Variants in CYB561 observed in about 807,000 individuals in gnomAD.
CYB561 encodes cytochrome b561, also known as transmembrane ascorbate-dependent reductase CYB561.
In CYB561, 11 loss-of-function variants were observed where a neutral mutation model predicts 25.3. That is an observed-to-expected ratio of 0.44 (90% CI 0.27 to 0.72). The LOEUF is 0.72. CYB561 is among the 30% of genes least tolerant of loss of function. CYB561 has a pLI of 0.18. For synonymous variants in CYB561, 165 were observed against 158.8 expected (o/e 1.04, Z -0.29); for missense variants, 295 against 334.9 (o/e 0.88, Z 0.93).
intron 1 of CYB561, among the ~76,000 whole-genome samples, chr17:63,444,012 A>T (rs1043893538): frequency 1.3e-5 from 2 of 148,212 alleles, no homozygotes; most frequent in South Asian, 2.1e-4. Context: ...ATTTTTATTA[A>T]TTTTTTTTTT....
chr17:63,446,554 G>A (rs1010864218), upstream of CYB561, among the ~76,000 whole-genome samples: 1 of 152,032 alleles, frequency 6.6e-6, no homozygotes, highest in African/African-American at 2.4e-5. Context: ...TGGGATCTGC[G>A]GCCTGCGGGG....
chr17:63,436,037 C>A lies in CYB561; in HGVS notation c.301+17G>T. 6.2e-7 allele frequency: 1 copy of A among 1,613,906 alleles called. No homozygotes were observed. The highest frequency in any genetic ancestry group is 8.5e-7 in the Non-Finnish European group (1 of 1,179,896). ...GAGGCAGGCAGGTGGCGGGGAAGGC[C>A]GCGCCCGGGAACTCACCAACCAGGG... On this transcript the variant is annotated intron_variant, in intron 3 of 5. Transcript: ENST00000360793. The surrounding 1 kb of genome is among the most constrained non-coding windows in gnomAD (Gnocchi z 4.8).
chr17:63,436,972 GCGCA>G lies in CYB561; in HGVS notation c.202+370_202+373del, dbSNP rs910891313. On this transcript the variant is annotated intron_variant, in intron 2 of 5. Transcript: ENST00000360793. This position sits in a 1 kb window ranked among gnomAD's most constrained non-coding sequence, Gnocchi z 4.8. Reference sequence around the variant, plus strand: ...TCCAAGACCAACAACACACATGCGCGCGCACGCACGCACGCATACAAACTCTCAC... The same window carrying G: ...TCCAAGACCAACAACACACATGCGCGCGCACGCACGCATACAAACTCTCAC... 4.6e-4 allele frequency: 113 copies of G among 246,822 alleles called. 1 individual carries two copies. Among genetic ancestry groups the G allele is most frequent in the African/African-American group, 2.4e-3 (108 of 44,694 alleles). The allele number at this position is 246,822 out of a possible 1,614,324, so 15.3% of individuals were successfully genotyped here. A position where few individuals can be genotyped will look rare whatever the true frequency, so the allele number is the denominator to read the frequency against.
At chr17:63,434,993 G>A (rs991372801) in intron 5 of CYB561, 93 bp downstream of exon 5, 14 of 1,357,840 alleles carry the variant, frequency 1.0e-5, no homozygotes, top group South Asian at 2.9e-5. Flanking sequence ...CACGAGAGGC[G>A]GCTCAGGAAG....
intron 1 of CYB561, among the ~76,000 whole-genome samples, chr17:63,444,442 G>A (rs959381963): frequency 2.6e-5 from 4 of 152,298 alleles, no homozygotes; most frequent in Admixed American, 6.5e-5. Flanking sequence ...GTGTGCCAGC[G>A]CCCAGCACAG....
At chr17:63,441,788 G>A (rs1314861014) in intron 1 of CYB561, among the ~76,000 whole-genome samples, 2 of 152,250 alleles carry the variant, frequency 1.3e-5, no homozygotes, top group Non-Finnish European at 2.9e-5. Context: ...GGAGCTCACT[G>A]AGGAAGCTGC....
At chr17:63,438,100 T>G in intron 1 of CYB561, 4 of 1,530,746 alleles carry the variant, frequency 2.6e-6, no homozygotes, top group Non-Finnish European at 3.5e-6. Context: ...GGGCCCAGCC[T>G]CCCCACGGGG....
In CYB561 at chr17:63,434,265, AG is replaced by A; in HGVS notation, c.*136del. 1 of 711,578 alleles carries A rather than the reference AG, an allele frequency of 1.4e-6. No individual in the cohort carries two copies. The highest frequency in any genetic ancestry group is 1.9e-5 in the South Asian group (1 of 52,370). The allele number at this position is 711,578 out of a possible 1,614,324, so 44.1% of individuals were successfully genotyped here. ...AGGCGGAGACCTGACCCCAGAAAGC[AG>A]CACTCAAACAGATGCAGCTGCACCC... On this transcript the variant is annotated 3_prime_UTR_variant, in exon 6 of 6. Coordinates refer to ENST00000360793, the MANE Select transcript of CYB561 (RefSeq NM_001915.4).
intron 1 of CYB561, among the ~76,000 whole-genome samples, chr17:63,442,546 G>A (rs1599122891): frequency 6.6e-6 from 1 of 152,136 alleles, no homozygotes; most frequent in African/African-American, 2.4e-5. Flanking sequence ...TGTTCTCAGA[G>A]CAGAACTGTG....
chr17:63,437,333 C>T lies in CYB561; in HGVS notation c.202+13G>A. ...ACAAGCCCGGGAAAAGAGGAGCGGC[C>T]CATGGGACTCACCATTTCCCTGCAG... is the stretch of plus-strand genomic sequence containing the variant. On this transcript the variant is annotated intron_variant, in intron 2 of 5. Coordinates refer to ENST00000360793, the MANE Select transcript of CYB561 (RefSeq NM_001915.4). 6.2e-7 allele frequency: 1 copy of T among 1,606,160 alleles called. No individual in the cohort carries two copies. Among genetic ancestry groups the T allele is most frequent in the Non-Finnish European group, 8.5e-7 (1 of 1,173,322 alleles).
At chr17:63,435,495 G>T in intron 4 of CYB561, 193 bp downstream of exon 4, 1 of 685,666 alleles carries the variant, frequency 1.5e-6, no homozygotes, top group Non-Finnish European at 2.5e-6. Context: ...GTCAGCCATG[G>T]GGCGCCTGGG....
rs1442254572 is a variant in CYB561 at position 63,434,578 on chromosome 17, A to C, written c.580T>G (p.Phe194Val). The change falls in exon 6 of 6, where the codon TTT (phenylalanine) becomes GTT (valine). Residue 194 changes from phenylalanine to valine, a missense_variant. By Grantham distance (50) the Phe-to-Val change is conservative (BLOSUM62 -1). Coordinates refer to ENST00000360793, the MANE Select transcript of CYB561 (RefSeq NM_001915.4). ...LFNLGGKYSA[F>V]EPEGVLANVL... ...TTGGCCAGGACACCCTCGGGCTCAA[A>C]TGCGCTATACTTGCCCCTGCAGGGG... The C allele has an allele frequency of 5.0e-6, 8 of 1,610,750 alleles. No individual in the cohort carries two copies. The highest frequency in any genetic ancestry group is 6.8e-6 in the Non-Finnish European group (8 of 1,179,906).
Position 63,436,644 on chromosome 17 carries a change from C to T in CYB561, c.203-492G>A. 1 of 164,506 alleles carries T rather than the reference C, an allele frequency of 6.1e-6. No homozygotes were observed. Among genetic ancestry groups the T allele is most frequent in the South Asian group, 1.6e-4 (1 of 6,368 alleles). The allele number at this position is 164,506 out of a possible 1,614,324, so 10.2% of individuals were successfully genotyped here. A position where few individuals can be genotyped will look rare whatever the true frequency, so the allele number is the denominator to read the frequency against. ...CCTGTTAGCCACGTGGCTCCTCACACAGGCCCCCACCTAAGCCTGGGCAGA... is the reference window on the plus strand; with the variant it reads ...CCTGTTAGCCACGTGGCTCCTCACATAGGCCCCCACCTAAGCCTGGGCAGA... On this transcript the variant is annotated intron_variant, in intron 2 of 5. Transcript: ENST00000360793. This position sits in a 1 kb window ranked among gnomAD's most constrained non-coding sequence, Gnocchi z 4.8.
chr17:63,435,403 C>T (rs895913065), intron 4 of CYB561, 160 bp from the exon 5 acceptor site: 31 of 766,010 alleles, frequency 4.0e-5, no homozygotes, highest in African/African-American at 1.2e-4. Flanking sequence ...GAGCACTAAG[C>T]GCTTAGGGAC....
chr17:63,437,011 CT>C (rs905881481), intron 2 of CYB561: 14 of 373,960 alleles, frequency 3.7e-5, no homozygotes, highest in East Asian at 2.1e-4. Flanking sequence ...CATATGATTA[CT>C]TTTTTTCCCT....
intron 1 of CYB561, chr17:63,440,276 C>A: frequency 2.5e-6 from 1 of 398,802 alleles, no homozygotes; most frequent in Non-Finnish European, 4.4e-6. Context: ...ATGCCCTCCC[C>A]ACTAGCTAGC....
chr17:63,435,943 TG>T, intron 3 of CYB561, 110 bp downstream of exon 3: 1 of 1,592,626 alleles, frequency 6.3e-7, no homozygotes. Context: ...ATGTTTGGGG[TG>T]GGGGCGGGCC....
At chr17:63,437,975 G>GC in intron 1 of CYB561, 3 of 89,530 alleles carry the variant, frequency 3.4e-5, no homozygotes, top group Non-Finnish European at 6.1e-5. Flanking sequence ...CGGCGGCCCC[G>GC]CCACCCTCCC....
Position 63,433,875 on chromosome 17 carries a change from G to C in CYB561, c.*527C>G, listed in dbSNP as rs929185319. The C allele has an allele frequency of 5.9e-6, 1 of 170,370 alleles. No homozygotes were observed. Among genetic ancestry groups the C allele is most frequent in the African/African-American group, 2.4e-5 (1 of 42,184 alleles). 10.6% of individuals were successfully genotyped at this position (170,370 alleles called of 1,614,324 possible). A position where few individuals can be genotyped will look rare whatever the true frequency, so the allele number is the denominator to read the frequency against. Reference sequence around the variant, plus strand: ...AGGGGCCAGTCCCTCCCCTCTCCTGGGGAACCTTGCTTTCACCACCAACAT... The same window carrying C: ...AGGGGCCAGTCCCTCCCCTCTCCTGCGGAACCTTGCTTTCACCACCAACAT... On this transcript the variant is annotated 3_prime_UTR_variant, in exon 6 of 6. Transcript: ENST00000360793.
Sources: allele counts gnomAD v4.1 joint callset (sites outside exome capture counted in the v4.1 genomes callset), GRCh38; gene constraint gnomAD v4.1.1; non-coding constraint Gnocchi (gnomAD v3.1); transcripts MANE v1.5; gene names NCBI Gene and HGNC (gene_info 2026-07-23, HGNC 2026-07-21).